The following BEND3 variants were observed in gnomAD, a reference collection of about 807,000 sequenced individuals.
The protein encoded by BEND3 is BEN domain containing 3.
In BEND3, 13 loss-of-function variants were observed where a neutral mutation model predicts 60.1. The observed-to-expected ratio is 0.22, with a 90% CI of 0.14 to 0.34. The LOEUF (loss-of-function observed/expected upper bound fraction) is 0.34. Ranked by LOEUF, BEND3 falls within the 10% of genes least tolerant of loss-of-function variation. The pLI, the probability that BEND3 is intolerant of heterozygous loss-of-function variation, is 1.00. For missense variants in BEND3, 896 were observed against 1,138.1 expected (o/e 0.79, Z 3.06); for synonymous variants, 497 against 491.5 (o/e 1.01, Z -0.15).
chr6:107,099,760 C>A (rs1055240160), intron 1 of BEND3, among the ~76,000 whole-genome samples: 1 of 152,104 alleles, frequency 6.6e-6, no homozygotes, highest in Admixed American at 6.6e-5. Context: ...ACTAGCCACA[C>A]CTGGCTACCA....
intron 1 of BEND3, chr6:107,106,209 T>C (rs1176264622): frequency 6.6e-6 from 1 of 152,172 alleles, no homozygotes; most frequent in Non-Finnish European, 1.5e-5. Flanking sequence ...ACAGGCTTCA[T>C]GTTCTAAGTG....
intron 3 of BEND3, among the ~76,000 whole-genome samples, chr6:107,097,460 A>C (rs1290680739): frequency 7.3e-6 from 1 of 136,566 alleles, no homozygotes; most frequent in African/African-American, 2.5e-5. Flanking sequence ...AAAGAGTTAG[A>C]AAAAAAAAAC....
intron 3 of BEND3, among the ~76,000 whole-genome samples, chr6:107,071,367 G>A (rs1436222894): frequency 1.3e-5 from 2 of 151,354 alleles, no homozygotes; most frequent in South Asian, 2.1e-4. Context: ...CCGTGCCTTC[G>A]TCTGCTCTCA....
chr6:107,093,915 G>T (rs1169148388), intron 3 of BEND3, among the ~76,000 whole-genome samples: 1 of 152,188 alleles, frequency 6.6e-6, no homozygotes, highest in Non-Finnish European at 1.5e-5. Flanking sequence ...AAACATTTCT[G>T]CTCTACAAGA....
intron 1 of BEND3, among the ~76,000 whole-genome samples, chr6:107,112,212 T>C (rs1436744016): frequency 6.6e-6 from 1 of 152,160 alleles, no homozygotes; most frequent in Non-Finnish European, 1.5e-5. Context: ...TAGGCAGCGC[T>C]AAAAAGTAGC....
intron 3 of BEND3, among the ~76,000 whole-genome samples, chr6:107,081,284 G>C (rs938300007): frequency 5.4e-5 from 8 of 149,046 alleles, no homozygotes; most frequent in African/African-American, 1.5e-4. Flanking sequence ...GCAGTGGCGC[G>C]ATCTCAGCTC....
At chr6:107,073,428 C>G (rs1554232385) in intron 3 of BEND3, among the ~76,000 whole-genome samples, 1 of 151,142 alleles carries the variant, frequency 6.6e-6, no homozygotes, top group African/African-American at 2.4e-5. Flanking sequence ...GGTCTCCTTG[C>G]CAAGCTGTCC....
chr6:107,082,704 C>T (rs886743248), intron 3 of BEND3, among the ~76,000 whole-genome samples: 1 of 152,316 alleles, frequency 6.6e-6, no homozygotes, highest in African/African-American at 2.4e-5. Flanking sequence ...GCTGGGATTA[C>T]AGGCGTGAGC....
Position 107,070,138 on chromosome 6 carries a change from G to A in BEND3, c.1053C>T (p.Ser351=), listed in dbSNP as rs1271096225. The change falls in exon 4 of 4, where the codon AGC becomes AGT. Residue 351 remains serine (S), a synonymous_variant. Transcript: ENST00000369042. This position sits in a 1 kb window ranked among gnomAD's most constrained non-coding sequence, Gnocchi z 6.9. ...AQREMEDSQP[S]GQVASFFEAE... The stretch of plus-strand genomic sequence containing the variant: ...CCTCAAAGAAGCTGGCGACCTGGCC[G>A]CTGGGCTGGCTGTCCTCCATTTCCC... 5 of 1,613,048 alleles carry A rather than the reference G, an allele frequency of 3.1e-6. No homozygotes were observed. The highest frequency in any genetic ancestry group is 3.3e-5 in the Admixed American group (2 of 60,030).
chr6:107,110,153 G>GGTTGT, intron 1 of BEND3, among the ~76,000 whole-genome samples: 1 of 152,266 alleles, frequency 6.6e-6, no homozygotes, highest in South Asian at 2.1e-4. Flanking sequence ...GGTCAACACA[G>GGTTGT]CCAGACTCTG....
chr6:107,100,047 A>T (rs886331414), intron 1 of BEND3, among the ~76,000 whole-genome samples: 5 of 151,810 alleles, frequency 3.3e-5, no homozygotes, highest in Middle Eastern at 3.2e-3. Context: ...TAATTAAAAA[A>T]TTTTTTTGTA....
At chr6:107,112,193 G>A (rs188984966) in intron 1 of BEND3, among the ~76,000 whole-genome samples, 9 of 152,226 alleles carry the variant, frequency 5.9e-5, no homozygotes, top group Admixed American at 2.0e-4. Context: ...ATTGTTTCCA[G>A]GGACTTTCTA....
intron 1 of BEND3, among the ~76,000 whole-genome samples, chr6:107,107,065 T>C (rs1319996548): frequency 6.6e-6 from 1 of 151,120 alleles, no homozygotes; most frequent in East Asian, 2.0e-4. Context: ...GCCTCCCAAG[T>C]ATCTGGGATT....
chr6:107,100,977 G>C (rs782776250), intron 1 of BEND3, among the ~76,000 whole-genome samples: 23 of 152,100 alleles, frequency 1.5e-4, no homozygotes, highest in Non-Finnish European at 2.1e-4. Context: ...TGGGGTGGGC[G>C]AATCACCTGG....
At chr6:107,081,937 C>T (rs311227) in intron 3 of BEND3, among the ~76,000 whole-genome samples, 124,605 of 152,164 alleles carry the variant, frequency 0.82, 51,073 homozygotes, top group East Asian at 0.89. Context: ...AGAATTATCT[C>T]GGACTGTCCA....
rs1554230908 is a variant in BEND3, at chr6:107,066,795, T to C, written c.*1909A>G. 6.6e-6 allele frequency: 1 copy of C among 152,594 alleles called. No homozygotes were observed. The highest frequency in any genetic ancestry group is 1.5e-5 in the Non-Finnish European group (1 of 68,046). The allele number at this position is 152,594 out of a possible 1,614,324, so 9.5% of individuals were successfully genotyped here. ...GTGTGTGCATGCTGTGTGCATGTGC[T>C]GGAGAGACTAAGGCATAGAGAAGGG... On this transcript the variant is annotated 3_prime_UTR_variant, in exon 4 of 4. Transcript: ENST00000369042.
At chr6:107,111,137 G>A (rs1770071819) in intron 1 of BEND3, among the ~76,000 whole-genome samples, 1 of 151,990 alleles carries the variant, frequency 6.6e-6, no homozygotes, top group South Asian at 2.1e-4. Flanking sequence ...TGCACTCCAG[G>A]TTGGGTGAAA....
Position 107,068,825 on chromosome 6 carries a change from G to A in BEND3, c.2366C>T (p.Pro789Leu), listed in dbSNP as rs1026580660. Residue 789 changes from proline to leucine, a missense_variant, in exon 4 of 4, where the codon CCG (proline) becomes CTG (leucine). Pro to Leu is a moderately conservative substitution (Grantham distance 98). Transcript: ENST00000369042. The surrounding 1 kb of genome is among the most constrained non-coding windows in gnomAD (Gnocchi z 5.8). Reference protein sequence around the residue: ...LIRHYVEAVYPVEKMEEVWHY... With the variant: ...LIRHYVEAVYLVEKMEEVWHY... ...CCACACCTCCTCCATCTTCTCCACC[G>A]GGTAGACGGCTTCCACGTAGTGGCG... 16 of 1,614,076 alleles carry A rather than the reference G, an allele frequency of 9.9e-6. No individual in the cohort carries two copies. The highest frequency in any genetic ancestry group is 1.3e-5 in the Non-Finnish European group (15 of 1,180,034).
chr6:107,099,223 T>C (rs1554236455), intron 2 of BEND3, 26 bp downstream of exon 2: 1 of 1,580,968 alleles, frequency 6.3e-7, no homozygotes, highest in African/African-American at 1.4e-5. Context: ...TAAAAACATT[T>C]TTCAAAAAGG....
Sources: allele counts gnomAD v4.1 joint callset (sites outside exome capture counted in the v4.1 genomes callset), GRCh38; gene constraint gnomAD v4.1.1; non-coding constraint Gnocchi (gnomAD v3.1); transcripts MANE v1.5; gene names NCBI Gene and HGNC (gene_info 2026-07-23, HGNC 2026-07-21).